LARGE1: variants seen among roughly 807,000 people sequenced by gnomAD.
LARGE1 encodes the protein LARGE xylosyl- and glucuronyltransferase 1.
A neutral mutation model predicts 87.6 loss-of-function variants in LARGE1; 43 were observed. The ratio of observed to expected loss-of-function variants is 0.49; its 90% CI spans 0.38 to 0.63. LARGE1 has a LOEUF of 0.63. LARGE1 is among the 30% of genes least tolerant of loss of function. The pLI, the probability that LARGE1 is intolerant of heterozygous loss-of-function variation, is 0.00. For synonymous variants in LARGE1, 434 were observed against 394.6 expected (o/e 1.10, Z -1.18); for missense variants, 802 against 1,000.2 (o/e 0.80, Z 2.67).
intron 11 of LARGE1, among the ~76,000 whole-genome samples, chr22:33,211,727 C>A (rs535051569): frequency 3.3e-5 from 5 of 152,240 alleles, no homozygotes; most frequent in Admixed American, 1.3e-4. Flanking sequence ...GAGCCGAGAT[C>A]GCGCCACTAC....
At chr22:33,422,301 T>C (rs939576009) in intron 7 of LARGE1, among the ~76,000 whole-genome samples, 1 of 152,180 alleles carries the variant, frequency 6.6e-6, no homozygotes, top group Admixed American at 6.5e-5. Context: ...TACAGGGAAA[T>C]ACCCAAGACT....
intron 12 of LARGE1, among the ~76,000 whole-genome samples, chr22:33,284,950 A>G (rs1931236407): frequency 6.6e-6 from 1 of 152,196 alleles, no homozygotes; most frequent in Non-Finnish European, 1.5e-5. Flanking sequence ...CCATCCTGGG[A>G]AAGCGATTTA....
Position 33,660,252 on chromosome 22 carries a change from G to A in LARGE1, c.107-9584C>T, listed in dbSNP as rs529956803. Among the ~76,000 whole-genome samples the A allele has an allele frequency of 4.4e-3, 673 of 152,218 alleles. 3 individuals are homozygous for A. The highest frequency in any genetic ancestry group is 0.016 in the African/African-American group (651 of 41,526). On this transcript the variant is annotated intron_variant, in intron 2 of 14. Coordinates refer to ENST00000397394, the MANE Select transcript of LARGE1 (RefSeq NM_133642.5). ...GAGTATGGACAAAAGGGCTTTGTTA[G>A]TAGCATTCAAATCGTCACCAACCAA...
At chr22:33,566,852 T>G (rs1051895336) in intron 5 of LARGE1, among the ~76,000 whole-genome samples, 1 of 152,218 alleles carries the variant, frequency 6.6e-6, no homozygotes, top group Non-Finnish European at 1.5e-5. Flanking sequence ...TGCTAACTGA[T>G]GCATTTACAA....
At chr22:33,318,098 T>C (rs1052034028) in intron 10 of LARGE1, among the ~76,000 whole-genome samples, 2 of 151,964 alleles carry the variant, frequency 1.3e-5, no homozygotes, top group Non-Finnish European at 2.9e-5. Flanking sequence ...TAGCCGGACA[T>C]GGTGGCGGGC....
At chr22:33,877,844 C>G (rs2064516619) in intron 1 of LARGE1, among the ~76,000 whole-genome samples, 2 of 151,906 alleles carry the variant, frequency 1.3e-5, no homozygotes, top group Admixed American at 6.6e-5. Flanking sequence ...ATCGCTTGAA[C>G]CTGGGAGGCA....
At chr22:33,641,675 GAGA>G (rs2080437190) in intron 3 of LARGE1, among the ~76,000 whole-genome samples, 2 of 152,264 alleles carry the variant, frequency 1.3e-5, no homozygotes, top group African/African-American at 2.4e-5. Context: ...AACCAGTTTA[GAGA>G]AGAAGAACAT....
intron 6 of LARGE1, among the ~76,000 whole-genome samples, chr22:33,520,455 A>G (rs1025019785): frequency 1.2e-4 from 18 of 152,204 alleles, no homozygotes; most frequent in Middle Eastern, 3.2e-3. Context: ...GCAGGGAGAC[A>G]GCAAGCTTCT....
intron 12 of LARGE1, among the ~76,000 whole-genome samples, chr22:33,297,829 A>T (rs1933534455): frequency 6.6e-6 from 1 of 151,182 alleles, no homozygotes; most frequent in Non-Finnish European, 1.5e-5. Context: ...AAAATACAAA[A>T]ATTAGCGAGG....
In LARGE1 at chr22:33,213,017, GA is replaced by G. The variant is rs140755781; in HGVS notation, c.1731-46186del. Among the ~76,000 whole-genome samples the G allele has an allele frequency of 6.3e-3, 783 of 123,538 alleles. 3 individuals carry two copies. Among genetic ancestry groups the G allele is most frequent in the African/African-American group, 0.017 (573 of 34,686 alleles). The allele number at this position is 123,538 out of a possible 152,430, so 81.0% of individuals were successfully genotyped here. A position where few individuals can be genotyped will look rare whatever the true frequency, so the allele number is the denominator to read the frequency against. ...TGGGTGACAGAGCAAGACTCCGTCT[GA>G]AAAAAAAAAAAAAAGAATATTTGTG... On this transcript the variant is annotated intron_variant, in intron 11 of 11. Coordinates refer to the LARGE1 transcript ENST00000608642.
chr22:33,862,499 G>A (rs1319889415), intron 1 of LARGE1, among the ~76,000 whole-genome samples: 1 of 152,218 alleles, frequency 6.6e-6, no homozygotes, highest in Non-Finnish European at 1.5e-5. Context: ...TTCCAGTGCT[G>A]TGGCCTGGGC....
intron 6 of LARGE1, among the ~76,000 whole-genome samples, chr22:33,465,924 C>T (rs891754819): frequency 6.6e-6 from 1 of 152,208 alleles, no homozygotes; most frequent in Non-Finnish European, 1.5e-5. Context: ...GCTGTACCAA[C>T]TTTCTTACCT....
chr22:33,478,328 C>T (rs2069167485), intron 6 of LARGE1, among the ~76,000 whole-genome samples: 1 of 152,220 alleles, frequency 6.6e-6, no homozygotes, highest in Non-Finnish European at 1.5e-5. Flanking sequence ...GCTAAAGGAG[C>T]TCCAGGCTTA....
chr22:33,126,035 A>G, the LARGE1 span, among the ~76,000 whole-genome samples: 1 of 152,250 alleles, frequency 6.6e-6, no homozygotes, highest in African/African-American at 2.4e-5. Flanking sequence ...GGCGTGAGCC[A>G]CAGCGCCCGG....
intron 2 of LARGE1, among the ~76,000 whole-genome samples, chr22:33,691,417 G>C (rs2082095380): frequency 6.6e-6 from 1 of 152,136 alleles, no homozygotes; most frequent in African/African-American, 2.4e-5. Flanking sequence ...ATTGATCACA[G>C]AGAGAATAAG....
intron 8 of LARGE1, among the ~76,000 whole-genome samples, chr22:33,383,415 C>G (rs1384962535): frequency 6.6e-6 from 1 of 151,956 alleles, no homozygotes; most frequent in East Asian, 1.9e-4. Flanking sequence ...CAAAAATTAG[C>G]CTGGTGTGGT....
intron 5 of LARGE1, among the ~76,000 whole-genome samples, chr22:33,596,506 T>G (rs956528153): frequency 6.6e-6 from 1 of 152,078 alleles, no homozygotes; most frequent in Admixed American, 6.5e-5. Flanking sequence ...AATGGGAAAG[T>G]GGTAATTTTT....
At chr22:33,365,921 TTC>T (rs1283361041) in intron 9 of LARGE1, among the ~76,000 whole-genome samples, 2 of 152,220 alleles carry the variant, frequency 1.3e-5, no homozygotes, top group Non-Finnish European at 2.9e-5. Context: ...TGGCCTGCTT[TTC>T]TCTTTTTAAT....
intron 1 of LARGE1, among the ~76,000 whole-genome samples, chr22:33,853,048 A>AG (rs1207658948): frequency 6.6e-6 from 1 of 151,950 alleles, no homozygotes; most frequent in African/African-American, 2.4e-5. Flanking sequence ...ATGGAAATGA[A>AG]GGGGGGGCCT....
Sources: allele counts gnomAD v4.1 joint callset (sites outside exome capture counted in the v4.1 genomes callset), GRCh38; gene constraint gnomAD v4.1.1; transcripts MANE v1.5; gene names NCBI Gene and HGNC (gene_info 2026-07-23, HGNC 2026-07-21).